Variants in CHD1 observed in about 807,000 individuals in gnomAD.
CHD1 encodes the protein chromodomain helicase DNA binding protein 1, also known as ATP-dependent chromatin remodeler CHD1.
Under a neutral mutation model 224.2 loss-of-function variants are expected in CHD1, and 36 were observed. That is an observed-to-expected ratio of 0.16 (90% CI 0.12 to 0.21). The LOEUF (loss-of-function observed/expected upper bound fraction) is 0.21, where lower values mean the gene tolerates loss of function less well. Among genes scored for constraint, CHD1 ranks in the 10% least tolerant of loss-of-function variants. The pLI is 1.00. For synonymous variants in CHD1, 668 were observed against 658.3 expected (o/e 1.01, Z -0.23); for missense variants, 1,378 against 1,994.8 (o/e 0.69, Z 5.89).
rs749547099 is a variant in CHD1 at position 98,860,070 on chromosome 5, TA to T, written c.4428-3del. 6.7e-7 allele frequency: 1 copy of T among 1,496,756 alleles called. No individual in the cohort carries two copies. 92.7% of individuals were successfully genotyped at this position (1,496,756 alleles called of 1,614,324 possible). ...TTAGATACAAAAATCCACAGGTTTC[TA>T]GAAGAATTTAAAAAAAGGCAAATTA... On this transcript the variant is annotated splice_region_variant and splice_polypyrimidine_tract_variant and intron_variant, in intron 32 of 35. Transcript: ENST00000614616.
intron 2 of CHD1, among the ~76,000 whole-genome samples, chr5:98,908,140 C>A (rs941896757): frequency 6.6e-6 from 1 of 152,164 alleles, no homozygotes; most frequent in African/African-American, 2.4e-5. Flanking sequence ...AATCTATTTT[C>A]AACTAGTTGC....
At chr5:98,896,474 G>A (rs1475625429) in intron 11 of CHD1, 32 bp from the exon 12 acceptor site, 1 of 1,479,654 alleles carries the variant, frequency 6.8e-7, no homozygotes, top group Non-Finnish European at 9.4e-7. Context: ...AGCATGCAAG[G>A]AAATATTCAA....
intron 23 of CHD1, among the ~76,000 whole-genome samples, chr5:98,878,984 C>T (rs1337208377): frequency 6.6e-6 from 1 of 152,190 alleles, no homozygotes; most frequent in East Asian, 1.9e-4. Context: ...ATAGTCCCAA[C>T]ATTTTGGTAG....
intron 31 of CHD1, among the ~76,000 whole-genome samples, chr5:98,867,795 G>GTTTTTT (rs71619163): frequency 7.1e-5 from 7 of 98,054 alleles, no homozygotes; most frequent in East Asian, 3.0e-4. Context: ...TATCTTCCTT[G>GTTTTTT]TTTTTTTTTT....
rs1030096631 is a variant in CHD1, at chr5:98,892,533, T to C, written c.2172A>G (p.Gln724=). Residue 724 remains glutamine, a synonymous_variant, in exon 15 of 36, where the codon CAA becomes CAG. Coordinates refer to ENST00000614616, the MANE Select transcript of CHD1 (RefSeq NM_001270.4). ...LRMEMSALQK[Q]YYKWILTRNY... The stretch of plus-strand genomic sequence containing the variant: ...TTCTGTGTACAGCTTACTTGTAATA[T>C]TGTTTCTGTAAAGCACTCATTTCCA... 9 of 1,611,926 alleles carry C rather than the reference T, an allele frequency of 5.6e-6. No individual in the cohort carries two copies. The highest frequency in any genetic ancestry group is 5.3e-5 in the African/African-American group (4 of 74,846).
At position 98,890,631 on chromosome 5, in the gene CHD1, C is replaced by T. The variant is rs1750951846; in HGVS notation, c.2181-1393G>A. 2.0e-5 allele frequency among the ~76,000 whole-genome samples: 3 copies of T among 152,136 alleles called. 1 individual carries two copies. Among genetic ancestry groups the T allele is most frequent in the African/African-American group, 7.2e-5 (3 of 41,416 alleles). On this transcript the variant is annotated intron_variant, in intron 15 of 35. Transcript: ENST00000614616. ...TTGACTTTTCTTTCTAAATATTCTACAAAATGCATTACTTTTTTTAAAGAA... is the reference window on the plus strand; with the variant it reads ...TTGACTTTTCTTTCTAAATATTCTATAAAATGCATTACTTTTTTTAAAGAA...
chr5:98,913,865 TG>T (rs2112601450), intron 2 of CHD1, among the ~76,000 whole-genome samples: 1 of 152,184 alleles, frequency 6.6e-6, no homozygotes, highest in African/African-American at 2.4e-5. Context: ...CGAATATATA[TG>T]GAGAACTGAA....
At chr5:98,891,591 G>A (rs796147891) in intron 15 of CHD1, among the ~76,000 whole-genome samples, 23 of 150,430 alleles carry the variant, frequency 1.5e-4, no homozygotes, top group African/African-American at 5.6e-4. Flanking sequence ...CGTGTGGATC[G>A]CTTGGGGCCA....
At chr5:98,913,565 G>C (rs575740295) in intron 2 of CHD1, among the ~76,000 whole-genome samples, 36 of 152,294 alleles carry the variant, frequency 2.4e-4, no homozygotes, top group Non-Finnish European at 3.2e-4. Context: ...GGACTAACTT[G>C]ATGTTCTGAA....
intron 23 of CHD1, among the ~76,000 whole-genome samples, chr5:98,878,746 T>C (rs1280100162): frequency 3.9e-5 from 6 of 152,172 alleles, no homozygotes; most frequent in Admixed American, 6.5e-5. Flanking sequence ...TTTTAAAACA[T>C]ACTTCTAAAA....
At chr5:98,891,246 T>C (rs2112464808) in intron 15 of CHD1, among the ~76,000 whole-genome samples, 1 of 152,194 alleles carries the variant, frequency 6.6e-6, no homozygotes. Context: ...GCTAAGTTTT[T>C]TGTATCTTGA....
intron 12 of CHD1, among the ~76,000 whole-genome samples, chr5:98,895,770 A>G (rs1264092523): frequency 1.3e-5 from 2 of 151,958 alleles, no homozygotes; most frequent in Non-Finnish European, 2.9e-5. Context: ...CCACCAAAAA[A>G]ACAGTCAAAT....
At chr5:98,861,684 T>G (rs1338408478) in intron 32 of CHD1, among the ~76,000 whole-genome samples, 1 of 150,948 alleles carries the variant, frequency 6.6e-6, no homozygotes, top group Non-Finnish European at 1.5e-5. Context: ...TTTTTTTTTT[T>G]GTATTTTTAG....
chr5:98,854,552 T>C lies in CHD1; in HGVS notation c.*1828A>G, dbSNP rs1346206913. ...TTATATTTAATTATAAATTAGATGT[T>C]TAAAAAACTGAGCTACTCCCTCACA... is the stretch of plus-strand genomic sequence containing the variant. On this transcript the variant is annotated 3_prime_UTR_variant, in exon 36 of 36. Transcript: ENST00000614616. 6.6e-6 allele frequency: 1 copy of C among 152,052 alleles called. No homozygotes were observed. Among genetic ancestry groups the C allele is most frequent in the Non-Finnish European group, 1.5e-5 (1 of 67,954 alleles). 9.4% of individuals were successfully genotyped at this position (152,052 alleles called of 1,614,324 possible).
chr5:98,921,525 G>A (rs1220239224), intron 2 of CHD1, among the ~76,000 whole-genome samples: 4 of 152,116 alleles, frequency 2.6e-5, no homozygotes, highest in Admixed American at 2.6e-4. Flanking sequence ...CAACACCGCT[G>A]GTCCACGGAC....
Position 98,903,816 on chromosome 5 carries a change from G to A in CHD1, c.348C>T (p.Ala116=). 1 of 1,613,386 alleles carries A rather than the reference G, an allele frequency of 6.2e-7. No homozygotes were observed. Among genetic ancestry groups the A allele is most frequent in the Non-Finnish European group, 8.5e-7 (1 of 1,179,496 alleles). ...CCTCTTCTGATCCGCTATTAGATGA[G>A]GCTTGATGTTGTTGTTGCTGCTGCT... ...QQQQQQQQHQ[A]SSNSGSEEDS... Residue 116 remains alanine, a synonymous_variant, in exon 4 of 36, where the codon GCC becomes GCT. Coordinates refer to ENST00000614616, the MANE Select transcript of CHD1 (RefSeq NM_001270.4).
Position 98,893,578 on chromosome 5 carries a change from A to C in CHD1, c.1829T>G (p.Phe610Cys). Reference protein sequence around the residue: ...KAFLGGLNWAFIGVDEAHRLK... With the variant: ...KAFLGGLNWACIGVDEAHRLK... ...TCGGTGTGCTTCATCAACACCTATA[A>C]ATGCCCAATTTAGACCTCCAAGGAA... is the stretch of plus-strand genomic sequence containing the variant. The change falls in exon 14 of 36, where the codon TTT becomes TGT. Residue 610 changes from phenylalanine to cysteine, a missense_variant. Around this residue, in one of 16 missense-constraint regions of CHD1, gnomAD observed 18 missense variants for 16.1 expected, o/e 1.11. Coordinates refer to ENST00000614616, the MANE Select transcript of CHD1 (RefSeq NM_001270.4). 1 of 1,606,130 alleles carries C rather than the reference A, an allele frequency of 6.2e-7. No individual in the cohort carries two copies. The highest frequency in any genetic ancestry group is 2.3e-5 in the East Asian group (1 of 44,352).
chr5:98,873,494 T>C lies in CHD1; in HGVS notation c.3571+99A>G, dbSNP rs537461784. The C allele has an allele frequency of 4.3e-6, 4 of 920,416 alleles. No individual in the cohort carries two copies. In the East Asian group the frequency reaches 1.3e-4, roughly 30 times the overall value. 57.0% of individuals were successfully genotyped at this position (920,416 alleles called of 1,614,324 possible). A position where few individuals can be genotyped will look rare whatever the true frequency, so the allele number is the denominator to read the frequency against. On this transcript the variant is annotated intron_variant, in intron 26 of 35. Coordinates refer to ENST00000614616, the MANE Select transcript of CHD1 (RefSeq NM_001270.4). ...TGTTTTATAAATAACCTTTTGAGAC[T>C]GATGAATAAATAATTTAAGATATAA...
chr5:98,902,730 T>C (rs960244916), intron 5 of CHD1, among the ~76,000 whole-genome samples, 170 bp downstream of exon 5: 1 of 152,038 alleles, frequency 6.6e-6, no homozygotes, highest in African/African-American at 2.4e-5. Flanking sequence ...GAAAGATAAA[T>C]GTTAAAGATT....
Sources: gnomAD v4.1 joint callset for allele counts (sites outside exome capture counted in the v4.1 genomes callset) on GRCh38, gnomAD v4.1.1 for gene constraint, gnomAD v4.1.1 regional missense constraint, MANE v1.5 for transcripts, NCBI Gene and HGNC (gene_info 2026-07-23, HGNC 2026-07-21) for gene names.